CACNA2D3: variants seen among roughly 807,000 people sequenced by gnomAD.
CACNA2D3 encodes voltage-dependent calcium channel subunit alpha-2/delta-3.
Under a neutral mutation model 160.6 loss-of-function variants are expected in CACNA2D3, and 60 were observed. That is an observed-to-expected ratio of 0.37 (90% CI 0.30 to 0.46). The LOEUF (loss-of-function observed/expected upper bound fraction) is 0.46. CACNA2D3 is among the 20% of genes least tolerant of loss of function. The probability of loss-of-function intolerance (pLI) is 1.00; values close to 1 mark genes in which losing one functional copy is unlikely to be tolerated. For synonymous variants in CACNA2D3, 558 were observed against 492.9 expected (o/e 1.13, Z -1.75); for missense variants, 1,205 against 1,365.0 (o/e 0.88, Z 1.85).
intron 13 of CACNA2D3, among the ~76,000 whole-genome samples, chr3:54,798,240 A>G (rs1458555949): frequency 6.6e-6 from 1 of 152,170 alleles, no homozygotes; most frequent in African/African-American, 2.4e-5. Flanking sequence ...TTTTCTATGA[A>G]AAGAATGGAC....
chr3:54,927,816 A>C, intron 27 of CACNA2D3: 2 of 1,403,846 alleles, frequency 1.4e-6, no homozygotes, highest in South Asian at 2.3e-5. Context: ...AGACGACTTG[A>C]AAATAGATTT....
intron 11 of CACNA2D3, among the ~76,000 whole-genome samples, chr3:54,684,653 T>TA (rs1287569799): frequency 1.3e-5 from 2 of 152,216 alleles, no homozygotes; most frequent in Non-Finnish European, 2.9e-5. Context: ...ATAGTGTAGA[T>TA]ATCTGATCAA....
intron 3 of CACNA2D3, among the ~76,000 whole-genome samples, chr3:54,357,175 A>G (rs139435385): frequency 6.6e-6 from 1 of 152,268 alleles, no homozygotes; most frequent in Non-Finnish European, 1.5e-5. Flanking sequence ...TCTGTTTTCC[A>G]TGGCACCATG....
intron 35 of CACNA2D3, among the ~76,000 whole-genome samples, chr3:55,059,300 C>T (rs1188097486): frequency 2.6e-5 from 4 of 152,126 alleles, no homozygotes; most frequent in Non-Finnish European, 5.9e-5. Context: ...TTAAATTCTC[C>T]CTTCGATGTA....
At position 54,166,551 on chromosome 3, in the gene CACNA2D3, A is replaced by C. The variant is rs187010098; in HGVS notation, c.204+42957A>C. Among the ~76,000 whole-genome samples the C allele has an allele frequency of 3.7e-4, 57 of 152,324 alleles. No individual in the cohort carries two copies. In the East Asian group the frequency reaches 0.01, roughly 27 times the overall value. ...TTATTTTACCCTTGGATGTTCATTTAATTAAATTATTTAAATTTGGTAATG... is the reference window on the plus strand; with the variant it reads ...TTATTTTACCCTTGGATGTTCATTTCATTAAATTATTTAAATTTGGTAATG... On this transcript the variant is annotated intron_variant, in intron 2 of 37. Coordinates refer to ENST00000474759, the MANE Select transcript of CACNA2D3 (RefSeq NM_018398.3).
In CACNA2D3 at chr3:54,681,118, GGAGAGA is replaced by G. The variant is rs71096435; in HGVS notation, c.1167+38892_1167+38897del. Among the ~76,000 whole-genome samples the G allele has an allele frequency of 2.0e-5, 3 of 149,720 alleles. 1 individual carries two copies. Among genetic ancestry groups the G allele is most frequent in the African/African-American group, 4.9e-5 (2 of 40,782 alleles). On this transcript the variant is annotated intron_variant, in intron 11 of 37. Transcript: ENST00000474759. ...AATTTTCCTCTGTGTTATTATCTAAGGAGAGAGAGAGAGAGAGAGACAGAGAGAGAA... is the reference window on the plus strand; with the variant it reads ...AATTTTCCTCTGTGTTATTATCTAAGGAGAGAGAGAGAGACAGAGAGAGAA...
intron 35 of CACNA2D3, among the ~76,000 whole-genome samples, chr3:55,061,579 A>G (rs754270887): frequency 1.4e-4 from 22 of 152,232 alleles, no homozygotes; most frequent in Non-Finnish European, 1.8e-4. Context: ...GGGCTTACTC[A>G]AGTTTCCCAA....
chr3:54,912,476 C>T (rs1480131749), intron 27 of CACNA2D3, among the ~76,000 whole-genome samples: 1 of 152,118 alleles, frequency 6.6e-6, no homozygotes, highest in Non-Finnish European at 1.5e-5. Flanking sequence ...GCCACACTAC[C>T]TCCTTGTTCT....
At chr3:54,248,129 T>A (rs1204669856) in intron 2 of CACNA2D3, among the ~76,000 whole-genome samples, 2 of 151,974 alleles carry the variant, frequency 1.3e-5, no homozygotes, top group African/African-American at 4.8e-5. Context: ...TGTGACTATA[T>A]GTGGAGATAG....
intron 3 of CACNA2D3, among the ~76,000 whole-genome samples, chr3:54,341,821 G>A (rs575987694): frequency 6.6e-6 from 1 of 151,282 alleles, no homozygotes; most frequent in African/African-American, 2.4e-5. Context: ...CTAGAGTGCG[G>A]TTTTTTTTTG....
intron 4 of CACNA2D3, among the ~76,000 whole-genome samples, chr3:54,442,566 T>A (rs115045881): frequency 9.8e-4 from 150 of 152,324 alleles, no homozygotes; most frequent in Non-Finnish European, 1.9e-3. Context: ...TCTTACTTGT[T>A]TAAGCCATGG....
At position 54,454,053 on chromosome 3, in the gene CACNA2D3, G is replaced by A. The variant is rs148479778; in HGVS notation, c.382-49439G>A. 7.7e-4 allele frequency among the ~76,000 whole-genome samples: 117 copies of A among 152,268 alleles called. 3 individuals carry two copies. Among genetic ancestry groups the A allele is most frequent in the African/African-American group, 2.6e-3 (109 of 41,568 alleles). ...TCCTTCTAATTTGTTAGGTGGAAAG[G>A]TTGAACTAGCATGTCTCTAATATCA... On this transcript the variant is annotated intron_variant, in intron 4 of 37. Coordinates refer to ENST00000474759, the MANE Select transcript of CACNA2D3 (RefSeq NM_018398.3).
At chr3:54,844,613 G>A (rs978765904) in intron 16 of CACNA2D3, among the ~76,000 whole-genome samples, 10 of 151,948 alleles carry the variant, frequency 6.6e-5, no homozygotes, top group African/African-American at 1.9e-4. Context: ...TTAACCGCAC[G>A]ATAGGACCTT....
chr3:54,918,351 TTTTTGTC>T (rs1700723170), intron 27 of CACNA2D3: 2 of 434,950 alleles, frequency 4.6e-6, no homozygotes, highest in South Asian at 6.1e-5. Context: ...TTTTTTTTTT[TTTTTGTC>T]TTTTGGCAAA....
At chr3:54,980,370 C>T (rs1702481192) in intron 29 of CACNA2D3, among the ~76,000 whole-genome samples, 1 of 152,184 alleles carries the variant, frequency 6.6e-6, no homozygotes, top group South Asian at 2.1e-4. Flanking sequence ...AATGTCCACA[C>T]ACAGAATTTC....
At chr3:54,743,244 A>T (rs555680277) in intron 11 of CACNA2D3, among the ~76,000 whole-genome samples, 106 of 152,366 alleles carry the variant, frequency 7.0e-4, no homozygotes, top group African/African-American at 2.3e-3. Context: ...AGAAATAAAC[A>T]TAAGTAAACT....
At chr3:54,731,552 T>C (rs114551223) in intron 11 of CACNA2D3, among the ~76,000 whole-genome samples, 42 of 152,230 alleles carry the variant, frequency 2.8e-4, no homozygotes, top group African/African-American at 1.0e-3. Context: ...GTGTGCTGAT[T>C]TTGCATTTGG....
chr3:55,070,384 A>AAAAC (rs1174780613), intron 35 of CACNA2D3, among the ~76,000 whole-genome samples: 17 of 152,198 alleles, frequency 1.1e-4, no homozygotes, highest in Admixed American at 1.1e-3. Context: ...GCTATAAGGA[A>AAAAC]AAACAGAGAA....
At chr3:54,744,450 G>T (rs1701711337) in intron 11 of CACNA2D3, among the ~76,000 whole-genome samples, 1 of 152,176 alleles carries the variant, frequency 6.6e-6, no homozygotes, top group Non-Finnish European at 1.5e-5. Context: ...TTTGGATTTT[G>T]CGGGGAGGAA....
Sources: gnomAD v4.1 joint callset for allele counts (sites outside exome capture counted in the v4.1 genomes callset) on GRCh38, gnomAD v4.1.1 for gene constraint, MANE v1.5 for transcripts, NCBI Gene and HGNC (gene_info 2026-07-23, HGNC 2026-07-21) for gene names.